ABCB1: variants seen among roughly 807,000 people sequenced by gnomAD.
ABCB1 encodes ATP-dependent translocase ABCB1.
ABCB1 carries 69 observed loss-of-function variants against 142.0 expected under a neutral mutation model. The observed-to-expected ratio is 0.49, with a 90% confidence interval of 0.40 to 0.59. The LOEUF (loss-of-function observed/expected upper bound fraction) is 0.59, where lower values mean the gene tolerates loss of function less well. Ranked by LOEUF, ABCB1 falls within the 20% of genes least tolerant of loss-of-function variation. ABCB1 has a pLI of 0.00. For missense variants in ABCB1, 1,326 were observed against 1,554.7 expected (o/e 0.85, Z 2.47); for synonymous variants, 532 against 539.2 (o/e 0.99, Z 0.18).
Position 87,504,173 on chromosome 7 carries a change from T to C in ABCB1, c.*70A>G, listed in dbSNP as rs558079226. The C allele has an allele frequency of 1.0e-5, 16 of 1,592,428 alleles. No individual in the cohort carries two copies. In the East Asian group the frequency reaches 3.6e-4, roughly 36 times the overall value. On this transcript the variant is annotated 3_prime_UTR_variant, in exon 28 of 28. Coordinates refer to ENST00000622132, the MANE Select transcript of ABCB1 (RefSeq NM_001348946.2). ...TCTTCATAATTCTGTAAGTGTTTGC[T>C]TTTAACTTTGAATAAATGTCATATC...
intron 1 of ABCB1, among the ~76,000 whole-genome samples, chr7:87,654,380 A>T (rs1317127963): frequency 6.6e-6 from 1 of 152,124 alleles, no homozygotes; most frequent in Non-Finnish European, 1.5e-5. Flanking sequence ...GCATAAAAAC[A>T]GACAAATAAA....
intron 13 of ABCB1, 104 bp from the exon 14 acceptor site, chr7:87,549,622 T>C (rs1816957761): frequency 1.2e-5 from 19 of 1,543,162 alleles, no homozygotes; most frequent in Non-Finnish European, 1.8e-6. Context: ...TCACAAGTAA[T>C]ACAGGTCCAG....
At chr7:87,700,015 T>C (rs1828879674) in intron 1 of ABCB1, among the ~76,000 whole-genome samples, 1 of 152,166 alleles carries the variant, frequency 6.6e-6, no homozygotes, top group African/African-American at 2.4e-5. Context: ...TTTTTTCTGT[T>C]TTTTTAAATA....
Position 87,703,659 on chromosome 7 carries a change from AGATTTTCTTTTTTTAATT to A in ABCB1, c.-331+9484_-331+9501del, listed in dbSNP as rs1162139919. ...ATTTCTTCATTTGTAAATTAATTAT[AGATTTTCTTTTTTTAATT>A]AAATTTTTCCCTCAGATATTTAAAT... On this transcript the variant is annotated intron_variant, in intron 1 of 28. Transcript: ENST00000265724. 2.0e-5 allele frequency among the ~76,000 whole-genome samples: 3 copies of A among 151,910 alleles called. No individual in the cohort carries two copies. In the East Asian group the frequency reaches 5.8e-4, roughly 29 times the overall value.
chr7:87,549,504 C>T lies in ABCB1; in HGVS notation c.1569G>A (p.Leu523=). 1 of 1,614,218 alleles carries T rather than the reference C, an allele frequency of 6.2e-7. No homozygotes were observed. The highest frequency in any genetic ancestry group is 1.3e-5 in the African/African-American group (1 of 75,054). The change falls in exon 14 of 28, where the codon CTG becomes CTA. Residue 523 remains leucine (L), a synonymous_variant. Transcript: ENST00000622132. ...IMKLPHKFDT[L]VGERGAQLSG... Reference sequence around the variant, plus strand: ...TCAACTGGGCCCCTCTCTCTCCAACCAGGGTGTCAAATTTCTACCACAGAA... The same window carrying T: ...TCAACTGGGCCCCTCTCTCTCCAACTAGGGTGTCAAATTTCTACCACAGAA...
Position 87,706,441 on chromosome 7 carries a change from A to G in ABCB1, c.-331+6720T>C, listed in dbSNP as rs143455755. Among the ~76,000 whole-genome samples, 954 of 152,338 alleles carry G rather than the reference A, an allele frequency of 6.3e-3. 39 individuals carry two copies. Among genetic ancestry groups the G allele is most frequent in the Admixed American group, 0.055 (838 of 15,298 alleles). On this transcript the variant is annotated intron_variant, in intron 1 of 28. Transcript: ENST00000265724. ...CTAAAACAGAGTCGATCCCAAAGGT[A>G]AGAAAACAATCAGGTTCCAGTGATA...
In ABCB1 at chr7:87,515,311, G is replaced by C. The variant is rs772547356; in HGVS notation, c.3202C>G (p.Leu1068Val). The C allele has an allele frequency of 6.2e-7, 1 of 1,614,202 alleles. No individual in the cohort carries two copies. The highest frequency in any genetic ancestry group is 1.1e-5 in the South Asian group (1 of 91,088). ...LEVKKGQTLALVGSSGCGKST... is the reference protein window; with the variant it reads ...LEVKKGQTLAVVGSSGCGKST... Reference sequence around the variant, plus strand: ...TTCCCACAGCCACTGCTGCCCACCAGAGCCAGCGTCTGGCCCTTCTTCACC... The same window carrying C: ...TTCCCACAGCCACTGCTGCCCACCACAGCCAGCGTCTGGCCCTTCTTCACC... The change falls in exon 25 of 28, where the codon CTG becomes GTG. Residue 1068 changes from leucine (L) to valine (V), a missense_variant. Coordinates refer to ENST00000622132, the MANE Select transcript of ABCB1 (RefSeq NM_001348946.2).
At chr7:87,552,487 TG>T (rs1199159100) in intron 9 of ABCB1, among the ~76,000 whole-genome samples, 1 of 152,134 alleles carries the variant, frequency 6.6e-6, no homozygotes, top group Non-Finnish European at 1.5e-5. Context: ...TGAATCAAGT[TG>T]GTCCGATATC....
chr7:87,626,903 G>C (rs1820695120), intron 1 of ABCB1, among the ~76,000 whole-genome samples: 1 of 151,948 alleles, frequency 6.6e-6, no homozygotes, highest in Non-Finnish European at 1.5e-5. Flanking sequence ...AGCCTACCGA[G>C]TAGCTGCCAC....
chr7:87,669,555 G>T (rs2130508098), intron 1 of ABCB1, among the ~76,000 whole-genome samples: 1 of 152,202 alleles, frequency 6.6e-6, no homozygotes, highest in East Asian at 1.9e-4. Flanking sequence ...TTCTGTGATT[G>T]TTTTACAGTG....
chr7:87,606,638 A>T (rs951763223), intron 1 of ABCB1, among the ~76,000 whole-genome samples: 1 of 152,130 alleles, frequency 6.6e-6, no homozygotes, highest in Non-Finnish European at 1.5e-5. Flanking sequence ...TGCAAGGACA[A>T]AAGGCAGGGG....
intron 7 of ABCB1, chr7:87,564,052 T>C: frequency 3.0e-6 from 1 of 338,232 alleles, no homozygotes; most frequent in Non-Finnish European, 5.7e-6. Context: ...TCATTAAAAA[T>C]AACTAATGGG....
intron 1 of ABCB1, among the ~76,000 whole-genome samples, chr7:87,676,640 G>T (rs938038145): frequency 2.0e-5 from 3 of 147,094 alleles, no homozygotes; most frequent in South Asian, 2.2e-4. Context: ...GGAGGCAGAG[G>T]TTGCAGTGAG....
intron 1 of ABCB1, among the ~76,000 whole-genome samples, chr7:87,682,532 A>T (rs1827029691): frequency 6.6e-6 from 1 of 152,234 alleles, no homozygotes; most frequent in Non-Finnish European, 1.5e-5. Flanking sequence ...AGAAGCCATG[A>T]AAACAACATT....
intron 26 of ABCB1, among the ~76,000 whole-genome samples, chr7:87,506,870 C>G (rs960456841): frequency 6.6e-6 from 1 of 152,152 alleles, no homozygotes; most frequent in African/African-American, 2.4e-5. Context: ...TGGGTTTCCC[C>G]CTGTAAATAG....
chr7:87,563,665 C>T lies in ABCB1; in HGVS notation c.703-2278G>A, dbSNP rs118151104. On this transcript the variant is annotated intron_variant, in intron 7 of 27. Transcript: ENST00000622132. ...GGAACACACCTCAAAATAATAAAAG[C>T]CATCTATGACAAACTTACAGCTAAC... Among the ~76,000 whole-genome samples, 603 of 152,206 alleles carry T rather than the reference C, an allele frequency of 4.0e-3. 1 individual carries two copies. The highest frequency in any genetic ancestry group is 0.014 in the Middle Eastern group (4 of 294).
In ABCB1 at chr7:87,516,551, T is replaced by A. The variant is rs1286204073; in HGVS notation, c.3042A>T (p.Lys1014Asn). 1.2e-6 allele frequency: 2 copies of A among 1,614,096 alleles called. No individual in the cohort carries two copies. The highest frequency in any genetic ancestry group is 4.5e-5 in the East Asian group (2 of 44,884). The stretch of plus-strand genomic sequence containing the variant: ...TGCTGTAGCTGTCAATCAAAGGGGT[T>A]TTTTCAATGATCATGATGATGTGGG... Reference protein sequence around the residue: ...SAAHIIMIIEKTPLIDSYSTE... With the variant: ...SAAHIIMIIENTPLIDSYSTE... The change falls in exon 24 of 28, where the codon AAA (lysine) becomes AAT (asparagine). Residue 1014 changes from lysine (K) to asparagine (N), a missense_variant. By Grantham distance (94) the Lys-to-Asn change is moderately conservative (BLOSUM62 0). Transcript: ENST00000622132.
rs28746502 is a variant in ABCB1, at chr7:87,638,972, G to A, written c.-330-37894C>T. Among the ~76,000 whole-genome samples, 658 of 152,128 alleles carry A rather than the reference G, an allele frequency of 4.3e-3. 2 individuals carry two copies. The highest frequency in any genetic ancestry group is 6.8e-3 in the Admixed American group (104 of 15,272). On this transcript the variant is annotated intron_variant, in intron 1 of 28. Transcript: ENST00000265724. Reference sequence around the variant, plus strand: ...TCGAGACTATCCTGGCTAACACGGTGAAACCCCGTCTCTACTAAAAATACA... The same window carrying A: ...TCGAGACTATCCTGGCTAACACGGTAAAACCCCGTCTCTACTAAAAATACA...
At chr7:87,610,935 A>T (rs968508707) in intron 1 of ABCB1, among the ~76,000 whole-genome samples, 8 of 152,144 alleles carry the variant, frequency 5.3e-5, no homozygotes, top group Non-Finnish European at 8.8e-5. Flanking sequence ...TCTATATCCA[A>T]TTTGAATCCA....
Sources: gnomAD v4.1 joint callset for allele counts (sites outside exome capture counted in the v4.1 genomes callset) on GRCh38, gnomAD v4.1.1 for gene constraint, MANE v1.5 for transcripts, NCBI Gene and HGNC (gene_info 2026-07-23, HGNC 2026-07-21) for gene names.